The following OCLN variants were observed in gnomAD, a reference collection of about 807,000 sequenced individuals.
OCLN encodes occludin.
In OCLN, 21 loss-of-function variants were observed where a neutral mutation model predicts 47.9. The observed-to-expected ratio is 0.44, with a 90% CI of 0.31 to 0.63. OCLN has a LOEUF of 0.63. Ranked by LOEUF, OCLN falls within the 30% of genes least tolerant of loss-of-function variation. The pLI is 0.08. For synonymous variants in OCLN, 117 were observed against 198.4 expected (o/e 0.59, Z 3.45); for missense variants, 360 against 571.0 (o/e 0.63, Z 3.77).
rs140147362 is a variant in OCLN, at chr5:69,533,680, A to G, written c.892-1014A>G. On this transcript the variant is annotated intron_variant, in intron 4 of 8. Transcript: ENST00000396442. ...GGCATAATTTCTTTTTTTTTGACAC[A>G]GTCTCGCTGTTGGCCAGGCTAGAGT... 4.9e-4 allele frequency among the ~76,000 whole-genome samples: 75 copies of G among 152,156 alleles called. 1 individual carries two copies. Among genetic ancestry groups the G allele is most frequent in the Admixed American group, 3.1e-3 (47 of 15,290 alleles).
At chr5:69,496,836 A>G (rs1158698196) in intron 1 of OCLN, among the ~76,000 whole-genome samples, 1 of 152,138 alleles carries the variant, frequency 6.6e-6, no homozygotes, top group African/African-American at 2.4e-5. Flanking sequence ...AACATATTTG[A>G]CAAGGATCTA....
chr5:69,509,759 A>T lies in OCLN; in HGVS notation c.669A>T (p.Ala223=). Residue 223 remains alanine (A), a synonymous_variant, in exon 3 of 9, where the codon GCA becomes GCT. Coordinates refer to ENST00000396442, the MANE Select transcript of OCLN (RefSeq NM_001205254.2). ...YALCNQFYTP[A]ATGLYVDQYL... ...TCTGCAACCAATTTTATACACCTGC[A>T]GCTACTGGACTCTACGTGGATCAGT... The T allele has an allele frequency of 1.9e-6, 3 of 1,614,140 alleles. No individual in the cohort carries two copies. The highest frequency in any genetic ancestry group is 2.5e-6 in the Non-Finnish European group (3 of 1,180,006).
intron 7 of OCLN, among the ~76,000 whole-genome samples, chr5:69,549,149 T>C (rs1483254618): frequency 3.9e-5 from 5 of 127,678 alleles, no homozygotes; most frequent in Non-Finnish European, 8.3e-5. Flanking sequence ...GCTAACACAG[T>C]GAAACCCCGT....
intron 1 of OCLN, among the ~76,000 whole-genome samples, chr5:69,498,505 A>G (rs2111934696): frequency 6.6e-6 from 1 of 152,206 alleles, no homozygotes; most frequent in South Asian, 2.1e-4. Flanking sequence ...AAAAAAAAAA[A>G]AAATCAGTTT....
At chr5:69,521,440 A>G (rs1023803335) in intron 4 of OCLN, among the ~76,000 whole-genome samples, 2 of 152,116 alleles carry the variant, frequency 1.3e-5, no homozygotes, top group African/African-American at 4.8e-5. Flanking sequence ...GTGTAAGATA[A>G]ATTTCTAGAA....
chr5:69,505,319 C>T (rs977498113), intron 2 of OCLN, among the ~76,000 whole-genome samples: 5 of 152,182 alleles, frequency 3.3e-5, no homozygotes, highest in South Asian at 4.2e-4. Flanking sequence ...ACAATTTACC[C>T]ATTTAGAATG....
At chr5:69,511,651 A>G (rs892838697) in intron 3 of OCLN, among the ~76,000 whole-genome samples, 6 of 152,252 alleles carry the variant, frequency 3.9e-5, no homozygotes, top group African/African-American at 1.4e-4. Flanking sequence ...CCTGGGCTCA[A>G]GTGATCCTGC....
intron 3 of OCLN, among the ~76,000 whole-genome samples, chr5:69,510,835 C>T (rs190547443): frequency 7.9e-5 from 12 of 152,228 alleles, no homozygotes; most frequent in African/African-American, 2.9e-4. Context: ...AGAGTTTTTC[C>T]AAAGAGTTTG....
chr5:69,514,543 T>A (rs972718502), intron 4 of OCLN, among the ~76,000 whole-genome samples: 22 of 151,986 alleles, frequency 1.4e-4, no homozygotes, highest in East Asian at 3.8e-4. Flanking sequence ...TTTTTTTTTT[T>A]ATTGATCATT....
At chr5:69,495,829 G>T (rs1768272322) in intron 1 of OCLN, among the ~76,000 whole-genome samples, 1 of 152,170 alleles carries the variant, frequency 6.6e-6, no homozygotes, top group Non-Finnish European at 1.5e-5. Context: ...TGACGTCTGA[G>T]CTGAGACCTG....
chr5:69,535,746 TATACCAA>T (rs1333435374), intron 5 of OCLN, among the ~76,000 whole-genome samples: 2 of 148,116 alleles, frequency 1.4e-5, no homozygotes, highest in Admixed American at 6.8e-5. Flanking sequence ...AGCATGTTAA[TATACCAA>T]ATACTCTAGG....
chr5:69,523,914 C>T (rs1032069060), intron 4 of OCLN, among the ~76,000 whole-genome samples: 23 of 152,100 alleles, frequency 1.5e-4, no homozygotes, highest in African/African-American at 5.6e-4. Context: ...TTTGGGAGAC[C>T]AAGGTGCGTA....
chr5:69,548,406 C>A (rs1277884402), intron 7 of OCLN, among the ~76,000 whole-genome samples: 1 of 149,922 alleles, frequency 6.7e-6, no homozygotes, highest in Non-Finnish European at 1.5e-5. Context: ...CTCTGCCTCC[C>A]GGGTTCACGC....
chr5:69,505,209 C>G (rs1179536744), intron 2 of OCLN, among the ~76,000 whole-genome samples: 2 of 152,074 alleles, frequency 1.3e-5, no homozygotes, highest in Non-Finnish European at 2.9e-5. Context: ...GAGATGGCGC[C>G]ATTGCACTCT....
At chr5:69,526,752 G>A (rs1346162581) in intron 4 of OCLN, among the ~76,000 whole-genome samples, 1 of 152,176 alleles carries the variant, frequency 6.6e-6, no homozygotes, top group African/African-American at 2.4e-5. Context: ...CGTAGCTTCT[G>A]GCAGACACTG....
At chr5:69,513,605 T>C (rs1032282119) in intron 3 of OCLN, among the ~76,000 whole-genome samples, 1 of 152,200 alleles carries the variant, frequency 6.6e-6, no homozygotes, top group Non-Finnish European at 1.5e-5. Flanking sequence ...GCCATTCTCG[T>C]AGGTGCACAA....
intron 4 of OCLN, among the ~76,000 whole-genome samples, chr5:69,525,855 C>T (rs527694370): frequency 2.6e-5 from 4 of 152,174 alleles, no homozygotes; most frequent in South Asian, 4.2e-4. Flanking sequence ...GATAGAGGTC[C>T]TTCTCAGGGC....
chr5:69,509,311 T>C lies in OCLN; in HGVS notation c.221T>C (p.Val74Ala). 1 of 1,614,218 alleles carries C rather than the reference T, an allele frequency of 6.2e-7. No homozygotes were observed. Reference sequence around the variant, plus strand: ...CGGATCCTGTCTATGCTCATTATTGTGATGTGCATTGCCATCTTTGCCTGT... The same window carrying C: ...CGGATCCTGTCTATGCTCATTATTGCGATGTGCATTGCCATCTTTGCCTGT... ...VIRILSMLII[V>A]MCIAIFACVA... Residue 74 changes from valine to alanine, a missense_variant, in exon 3 of 9, where the codon GTG (valine) becomes GCG (alanine). By Grantham distance (64) the Val-to-Ala change is moderately conservative. Coordinates refer to ENST00000396442, the MANE Select transcript of OCLN (RefSeq NM_001205254.2).
intron 4 of OCLN, among the ~76,000 whole-genome samples, chr5:69,517,440 A>G (rs1769006355): frequency 1.3e-5 from 2 of 151,542 alleles, no homozygotes; most frequent in African/African-American, 4.9e-5. Context: ...CCTCCCGAGT[A>G]GCTAGGACTA....
Sources: gnomAD v4.1 joint callset for allele counts (sites outside exome capture counted in the v4.1 genomes callset) on GRCh38, gnomAD v4.1.1 for gene constraint, MANE v1.5 for transcripts, NCBI Gene and HGNC (gene_info 2026-07-23, HGNC 2026-07-21) for gene names.